Variants in LMTK2 observed in about 807,000 individuals in gnomAD.
LMTK2 encodes serine/threonine-protein kinase LMTK2.
Under a neutral mutation model 127.5 loss-of-function variants are expected in LMTK2, and 37 were observed. That is an observed-to-expected ratio of 0.29 (90% confidence interval 0.22 to 0.38). The LOEUF is 0.38. LMTK2 is among the 10% of genes least tolerant of loss of function. LMTK2 has a pLI of 1.00. For synonymous variants in LMTK2, 819 were observed against 810.1 expected (o/e 1.01, Z -0.19); for missense variants, 1,694 against 1,920.3 (o/e 0.88, Z 2.20).
intron 3 of LMTK2, among the ~76,000 whole-genome samples, chr7:98,146,634 A>G (rs932975127): frequency 3.3e-5 from 5 of 152,202 alleles, no homozygotes; most frequent in Non-Finnish European, 1.5e-5. Context: ...ACAGCACACA[A>G]ACTCTGCTCC....
chr7:98,107,128 C>T lies in LMTK2; in HGVS notation c.-50C>T. On this transcript the variant is annotated 5_prime_UTR_variant, in exon 1 of 14. It adds an upstream start codon to the 5' untranslated region. Transcript: ENST00000297293. The stretch of plus-strand genomic sequence containing the variant: ...ATCGACTGACGGGCGAACGGACGGA[C>T]GGACGGAAGGCGACTCGAGGGCCGG... The T allele has an allele frequency of 1.5e-6, 2 of 1,331,746 alleles. No individual in the cohort carries two copies. Among genetic ancestry groups the T allele is most frequent in the Non-Finnish European group, 1.9e-6 (2 of 1,028,146 alleles). The allele number at this position is 1,331,746 out of a possible 1,614,324, so 82.5% of individuals were successfully genotyped here. A position where few individuals can be genotyped will look rare whatever the true frequency, so the allele number is the denominator to read the frequency against.
chr7:98,178,388 G>A (rs777976484), intron 7 of LMTK2, among the ~76,000 whole-genome samples: 1 of 152,164 alleles, frequency 6.6e-6, no homozygotes, highest in Non-Finnish European at 1.5e-5. Flanking sequence ...CTTGTGAATC[G>A]GGGTGGGAAC....
Position 98,208,482 on chromosome 7 carries a change from G to A in LMTK2, c.*2990G>A, listed in dbSNP as rs1406166938. On this transcript the variant is annotated 3_prime_UTR_variant, in exon 14 of 14. Transcript: ENST00000297293. ...ATAAGTTGTACAATGAACTAAATCA[G>A]TGGCATTCTCTAGATAATGTGGGGG... 6.6e-6 allele frequency: 1 copy of A among 152,322 alleles called. No individual in the cohort carries two copies. The highest frequency in any genetic ancestry group is 2.1e-4 in the South Asian group (1 of 4,824). The allele number at this position is 152,322 out of a possible 1,614,324, so 9.4% of individuals were successfully genotyped here.
chr7:98,203,249 C>T (rs1472784947), intron 11 of LMTK2, among the ~76,000 whole-genome samples: 2 of 152,224 alleles, frequency 1.3e-5, no homozygotes, highest in African/African-American at 2.4e-5. Flanking sequence ...TGAGTCCAGG[C>T]GGGGGATTGT....
chr7:98,191,518 C>T (rs1327948258), intron 10 of LMTK2, 96 bp from the exon 11 acceptor site: 2 of 1,026,190 alleles, frequency 1.9e-6, no homozygotes, highest in Non-Finnish European at 1.4e-6. Context: ...TGCCACTGCA[C>T]TCCAGACTGG....
intron 1 of LMTK2, among the ~76,000 whole-genome samples, chr7:98,129,489 C>T (rs1056321992): frequency 2.6e-5 from 4 of 152,068 alleles, no homozygotes; most frequent in Non-Finnish European, 5.9e-5. Context: ...GTGAGCCTCC[C>T]AAGTAGCTGG....
intron 12 of LMTK2, 103 bp downstream of exon 12, chr7:98,203,809 C>A: frequency 6.4e-7 from 1 of 1,570,662 alleles, no homozygotes; most frequent in Non-Finnish European, 8.7e-7. Context: ...CGCCCCCTGA[C>A]ATGGGCACAG....
At chr7:98,110,335 A>G (rs572545499) in intron 1 of LMTK2, among the ~76,000 whole-genome samples, 1 of 152,248 alleles carries the variant, frequency 6.6e-6, no homozygotes, top group South Asian at 2.1e-4. Context: ...TCTTGGTTGA[A>G]CTTTATTTTG....
At chr7:98,154,576 G>T (rs1796900510) in intron 4 of LMTK2, among the ~76,000 whole-genome samples, 182 bp from the exon 5 acceptor site, 1 of 152,152 alleles carries the variant, frequency 6.6e-6, no homozygotes, top group African/African-American at 2.4e-5. Flanking sequence ...GTTTAAAATG[G>T]TCCTTTTACT....
intron 2 of LMTK2, among the ~76,000 whole-genome samples, chr7:98,140,135 T>G (rs372314088): frequency 0.74 from 45,502 of 61,486 alleles, 16,311 homozygotes; most frequent in Middle Eastern, 0.84. Flanking sequence ...TCTTTCTTTC[T>G]TTCTTTCTTT....
At chr7:98,145,669 T>C (rs1317103489) in intron 3 of LMTK2, among the ~76,000 whole-genome samples, 1 of 152,184 alleles carries the variant, frequency 6.6e-6, no homozygotes, top group Non-Finnish European at 1.5e-5. Context: ...CTGTCATTAA[T>C]TTGTGTATTT....
chr7:98,205,411 C>A, intron 13 of LMTK2, 53 bp from the exon 14 acceptor site: 1 of 1,610,784 alleles, frequency 6.2e-7, no homozygotes, highest in Non-Finnish European at 8.5e-7. Flanking sequence ...CCATGCCTGT[C>A]TGATCATTTT....
At chr7:98,146,873 T>G (rs1024580521) in intron 3 of LMTK2, among the ~76,000 whole-genome samples, 1 of 152,244 alleles carries the variant, frequency 6.6e-6, no homozygotes, top group Admixed American at 6.5e-5. Flanking sequence ...TTTGAGTTAC[T>G]GTTTAGTGTC....
At chr7:98,161,178 A>G (rs1236533271) in intron 6 of LMTK2, among the ~76,000 whole-genome samples, 3 of 151,492 alleles carry the variant, frequency 2.0e-5, no homozygotes, top group African/African-American at 4.8e-5. Context: ...GGGATTCTCA[A>G]TTTTTTTTGT....
intron 1 of LMTK2, among the ~76,000 whole-genome samples, chr7:98,128,524 G>A (rs1176338923): frequency 6.6e-6 from 1 of 152,196 alleles, no homozygotes; most frequent in Non-Finnish European, 1.5e-5. Flanking sequence ...GTAGTATTTT[G>A]TTTTAGCAGC....
intron 1 of LMTK2, among the ~76,000 whole-genome samples, chr7:98,136,074 G>A (rs546256528): frequency 2.4e-4 from 36 of 152,084 alleles, no homozygotes; most frequent in South Asian, 8.3e-4. Context: ...TGTCGTGCCC[G>A]GAAGTAAGGA....
intron 6 of LMTK2, among the ~76,000 whole-genome samples, chr7:98,163,958 C>T (rs1797051980): frequency 6.6e-6 from 1 of 152,188 alleles, no homozygotes; most frequent in Admixed American, 6.5e-5. Flanking sequence ...TGAACAGTGG[C>T]CTTTTCAGTC....
At chr7:98,165,124 T>TG (rs1284699437) in intron 6 of LMTK2, among the ~76,000 whole-genome samples, 2 of 152,162 alleles carry the variant, frequency 1.3e-5, no homozygotes, top group Non-Finnish European at 2.9e-5. Context: ...AGCGGTGACT[T>TG]GGGGGCAGAA....
rs1292638428 is a variant in LMTK2, at chr7:98,192,874, G to A, written c.2409G>A (p.Leu803=). 1.9e-6 allele frequency: 3 copies of A among 1,613,938 alleles called. No individual in the cohort carries two copies. The African/African-American group carries it at 4.0e-5, about 22-fold the overall frequency. The change falls in exon 11 of 14, where the codon TTG becomes TTA. Residue 803 remains leucine, a synonymous_variant. Transcript: ENST00000297293. The stretch of plus-strand genomic sequence containing the variant: ...ATGTCATGCTCACAGGTGACACTTT[G>A]AGCACCTCATTGCAGTCTTCCCCGG... ...DTDVMLTGDT[L]STSLQSSPEV...
Sources: gnomAD v4.1 joint callset for allele counts (sites outside exome capture counted in the v4.1 genomes callset) on GRCh38, gnomAD v4.1.1 for gene constraint, MANE v1.5 for transcripts, NCBI Gene and HGNC (gene_info 2026-07-23, HGNC 2026-07-21) for gene names.